PAK2: variants seen among roughly 807,000 people sequenced by gnomAD.
PAK2 encodes the protein serine/threonine-protein kinase PAK 2.
Under a neutral mutation model 65.9 loss-of-function variants are expected in PAK2, and 21 were observed. The ratio of observed to expected loss-of-function variants is 0.32; its 90% CI spans 0.23 to 0.46. PAK2 has a LOEUF of 0.46. Ranked by LOEUF, PAK2 falls within the 20% of genes least tolerant of loss-of-function variation. The pLI is 1.00. For synonymous variants in PAK2, 204 were observed against 219.7 expected, an observed-to-expected ratio of 0.93 and a Z score of 0.63; for missense variants, 324 against 642.6, an observed-to-expected ratio of 0.50 and a Z score of 5.36.
chr3:196,826,364 G>C (rs1291440453), intron 13 of PAK2, among the ~76,000 whole-genome samples: 1 of 151,828 alleles, frequency 6.6e-6, no homozygotes, highest in Non-Finnish European at 1.5e-5. Flanking sequence ...AGTAGAGACA[G>C]GGTTTCACCA....
chr3:196,782,721 T>C lies in PAK2; in HGVS notation c.75T>C (p.Thr25=). The change falls in exon 2 of 15, where the codon ACT becomes ACC. Residue 25 remains threonine, a synonymous_variant. Coordinates refer to ENST00000327134, the MANE Select transcript of PAK2 (RefSeq NM_002577.4). ...PVRMSSTIFS[T]GGKDPLSANH... is the part of the protein sequence containing the mutation. ...GAATGAGCAGCACCATCTTTAGCACTGGAGGCAAAGACCCTTTGTCAGCCA... is the reference window on the plus strand; with the variant it reads ...GAATGAGCAGCACCATCTTTAGCACCGGAGGCAAAGACCCTTTGTCAGCCA... 6.2e-7 allele frequency: 1 copy of C among 1,611,290 alleles called. No individual in the cohort carries two copies. The highest frequency in any genetic ancestry group is 1.7e-5 in the Admixed American group (1 of 60,018).
intron 1 of PAK2, among the ~76,000 whole-genome samples, chr3:196,745,208 G>A (rs562111525): frequency 7.3e-5 from 11 of 150,290 alleles, no homozygotes; most frequent in African/African-American, 2.2e-4. Context: ...TCCGCCTCCC[G>A]GGTTCAAGTG....
chr3:196,762,162 C>T (rs1223577286), intron 1 of PAK2, among the ~76,000 whole-genome samples: 4 of 109,186 alleles, frequency 3.7e-5, no homozygotes, highest in Admixed American at 8.6e-5. Flanking sequence ...AGACGCTCCT[C>T]ACTTCCTAGA....
intron 1 of PAK2, among the ~76,000 whole-genome samples, chr3:196,767,170 AT>A (rs1191207766): frequency 2.0e-4 from 30 of 152,142 alleles, no homozygotes; most frequent in Non-Finnish European, 4.0e-4. Context: ...CCATTCCCCT[AT>A]TTATGGCTGT....
chr3:196,762,110 C>T (rs1441177360), intron 1 of PAK2, among the ~76,000 whole-genome samples: 3 of 130,652 alleles, frequency 2.3e-5, no homozygotes, highest in Non-Finnish European at 3.4e-5. Context: ...GGCGGCGGGG[C>T]AGAGGCGTCC....
intron 13 of PAK2, among the ~76,000 whole-genome samples, chr3:196,822,910 C>T (rs76682468): frequency 0.015 from 2,301 of 152,200 alleles, 42 homozygotes; most frequent in African/African-American, 0.043. Flanking sequence ...GCACAGCTGG[C>T]GTACGCTGAG....
At chr3:196,781,479 G>A (rs1477639743) in intron 1 of PAK2, among the ~76,000 whole-genome samples, 2 of 152,174 alleles carry the variant, frequency 1.3e-5, no homozygotes, top group Non-Finnish European at 2.9e-5. Context: ...CCTGGACAGG[G>A]CATTTACAGG....
chr3:196,800,552 A>C (rs1715394192), intron 2 of PAK2, among the ~76,000 whole-genome samples: 1 of 152,240 alleles, frequency 6.6e-6, no homozygotes, highest in African/African-American at 2.4e-5. Context: ...CTTTGACAAA[A>C]GAAAAAGAAG....
chr3:196,751,681 ATATATATAT>A lies in PAK2; in HGVS notation c.-22+11525_-22+11533del, dbSNP rs1446637851. ...CACAAATTTATTTATATACATATAT[ATATATATAT>A]ATATAATTCAGGCTATATATAAAAG... is the stretch of plus-strand genomic sequence containing the variant. On this transcript the variant is annotated intron_variant, in intron 1 of 14. Transcript: ENST00000327134. 9.2e-5 allele frequency among the ~76,000 whole-genome samples: 6 copies of A among 65,564 alleles called. 2 individuals carry two copies. Among genetic ancestry groups the A allele is most frequent in the African/African-American group, 5.6e-4 (6 of 10,660 alleles). The allele number at this position is 65,564 out of a possible 152,430, so 43.0% of individuals were successfully genotyped here.
chr3:196,741,516 C>T (rs919884933), intron 1 of PAK2, among the ~76,000 whole-genome samples: 3 of 152,190 alleles, frequency 2.0e-5, no homozygotes, highest in African/African-American at 7.2e-5. Flanking sequence ...TTTCGAGCTA[C>T]TTATTAGCCA....
rs1715583947 is a variant in PAK2 at position 196,806,355 on chromosome 3, G to A, written c.469-224G>A. On this transcript the variant is annotated intron_variant, in intron 5 of 14. Coordinates refer to ENST00000327134, the MANE Select transcript of PAK2 (RefSeq NM_002577.4). The stretch of plus-strand genomic sequence containing the variant: ...TAGGGTAACTTTATTAAAATATTTG[G>A]TACTCACCATATATATATATTTCAT... Among the ~76,000 whole-genome samples, 2 of 151,776 alleles carry A rather than the reference G, an allele frequency of 1.3e-5. 1 individual carries two copies. Among genetic ancestry groups the A allele is most frequent in the South Asian group, 4.2e-4 (2 of 4,808 alleles).
chr3:196,776,808 A>G (rs1043900956), intron 1 of PAK2, among the ~76,000 whole-genome samples: 2 of 152,242 alleles, frequency 1.3e-5, no homozygotes, highest in African/African-American at 4.8e-5. Flanking sequence ...GTAATAGGGT[A>G]CAAGAAGATT....
intron 1 of PAK2, among the ~76,000 whole-genome samples, chr3:196,755,665 T>C (rs1401755127): frequency 1.3e-5 from 2 of 151,838 alleles, no homozygotes; most frequent in Admixed American, 6.6e-5. Flanking sequence ...TCCACGTTGG[T>C]CAGGCTGGTC....
chr3:196,759,523 T>TTTTTTTTTTTTTTTGTTTTTG (rs1713890624), intron 1 of PAK2, among the ~76,000 whole-genome samples: 1 of 131,968 alleles, frequency 7.6e-6, no homozygotes, highest in Non-Finnish European at 1.6e-5. Flanking sequence ...TTTTTTTTTT[T>TTTTTTTTTTTTTTTGTTTTTG]TTTTTTTTTT....
intron 1 of PAK2, among the ~76,000 whole-genome samples, chr3:196,767,789 C>T (rs1424452744): frequency 3.9e-5 from 6 of 151,924 alleles, no homozygotes; most frequent in African/African-American, 9.7e-5. Flanking sequence ...CCACCGTGCC[C>T]GGCTGAAATA....
chr3:196,766,676 T>A (rs1469662890), intron 1 of PAK2, among the ~76,000 whole-genome samples: 3 of 152,048 alleles, frequency 2.0e-5, no homozygotes, highest in Non-Finnish European at 2.9e-5. Context: ...GAAATCTAGG[T>A]TTTAACTTGG....
chr3:196,786,415 C>A (rs1231290842), intron 2 of PAK2, among the ~76,000 whole-genome samples: 8 of 152,154 alleles, frequency 5.3e-5, no homozygotes, highest in Non-Finnish European at 4.4e-5. Context: ...CCTGCCTCAG[C>A]CTCCCAAAGT....
At chr3:196,787,816 C>T (rs1714945013) in intron 2 of PAK2, among the ~76,000 whole-genome samples, 3 of 152,176 alleles carry the variant, frequency 2.0e-5, no homozygotes, top group Non-Finnish European at 2.9e-5. Context: ...TTTCCTCTTA[C>T]ACTTATTGCT....
chr3:196,818,051 G>A lies in PAK2; in HGVS notation c.1054-6G>A, dbSNP rs1711527901. The stretch of plus-strand genomic sequence containing the variant: ...TTTCATTAATAGGTGTTTTTCTTCT[G>A]TTCAGTGTTTACAGGCATTGGAGTT... On this transcript the variant is annotated splice_region_variant and splice_polypyrimidine_tract_variant and intron_variant, in intron 11 of 14. Coordinates refer to ENST00000327134, the MANE Select transcript of PAK2 (RefSeq NM_002577.4). 3 of 1,228,042 alleles carry A rather than the reference G, an allele frequency of 2.4e-6. No individual in the cohort carries two copies. The highest frequency in any genetic ancestry group is 2.3e-5 in the East Asian group (1 of 43,078). The allele number at this position is 1,228,042 out of a possible 1,614,324, so 76.1% of individuals were successfully genotyped here.
Sources: allele counts gnomAD v4.1 joint callset (sites outside exome capture counted in the v4.1 genomes callset), GRCh38; gene constraint gnomAD v4.1.1; transcripts MANE v1.5; gene names NCBI Gene and HGNC (gene_info 2026-07-23, HGNC 2026-07-21).